Variants in CSGALNACT1 observed in about 807,000 individuals in gnomAD.
CSGALNACT1 encodes the protein beta4GalNAcT-1.
CSGALNACT1 carries 52 observed loss-of-function variants against 51.0 expected under a neutral mutation model. The observed-to-expected ratio is 1.02, with a 90% CI of 0.82 to 1.29. CSGALNACT1 has a LOEUF of 1.29. Among genes scored for constraint, CSGALNACT1 ranks in the 50% most tolerant of loss-of-function variants. The pLI, the probability that CSGALNACT1 is intolerant of heterozygous loss-of-function variation, is 0.00. For synonymous variants in CSGALNACT1, 341 were observed against 254.4 expected (o/e 1.34, Z -3.24); for missense variants, 935 against 679.2 (o/e 1.38, Z -4.19).
chr8:19,536,229 C>A (rs1345881590), intron 3 of CSGALNACT1, among the ~76,000 whole-genome samples: 1 of 151,968 alleles, frequency 6.6e-6, no homozygotes, highest in Non-Finnish European at 1.5e-5. Flanking sequence ...ATATATCACT[C>A]TGGTTGGGAA....
chr8:19,552,262 C>A (rs1176451671), intron 3 of CSGALNACT1, among the ~76,000 whole-genome samples: 1 of 152,058 alleles, frequency 6.6e-6, no homozygotes, highest in Non-Finnish European at 1.5e-5. Context: ...ATTTCAAACA[C>A]AGTAAGAAAG....
rs76817873 is a variant in CSGALNACT1 at position 19,533,485 on chromosome 8, C to T, written c.-296-27355G>A. Among the ~76,000 whole-genome samples, 63 of 152,264 alleles carry T rather than the reference C, an allele frequency of 4.1e-4. 1 individual carries two copies. Among genetic ancestry groups the T allele is most frequent in the African/African-American group, 1.4e-3 (59 of 41,564 alleles). ...AATTTATGCTTTTCCAAATCCTACTCTTCCAAGACTTATCAATATCAAATG... is the reference window on the plus strand; with the variant it reads ...AATTTATGCTTTTCCAAATCCTACTTTTCCAAGACTTATCAATATCAAATG... On this transcript the variant is annotated intron_variant, in intron 3 of 9. Coordinates refer to ENST00000454498, the Ensembl canonical transcript of CSGALNACT1.
At chr8:19,687,182 C>T (rs57167192), upstream of CSGALNACT1, among the ~76,000 whole-genome samples, 9,742 of 152,150 alleles carry the variant, frequency 0.064, 419 homozygotes, top group African/African-American at 0.12. Context: ...GTCAATACAT[C>T]GAGACCTCAA....
At chr8:19,461,723 T>C (rs1352311568) in intron 4 of CSGALNACT1, among the ~76,000 whole-genome samples, 1 of 151,170 alleles carries the variant, frequency 6.6e-6, no homozygotes, top group African/African-American at 2.5e-5. Flanking sequence ...ACATTCACCA[T>C]GGAGGGCGTA....
chr8:19,491,977 C>T (rs891806408), intron 4 of CSGALNACT1, among the ~76,000 whole-genome samples: 1 of 152,122 alleles, frequency 6.6e-6, no homozygotes, highest in African/African-American at 2.4e-5. Context: ...GGATGGAAGG[C>T]CAAAGTACAC....
At chr8:19,488,754 G>A (rs992163053) in intron 4 of CSGALNACT1, among the ~76,000 whole-genome samples, 9 of 152,048 alleles carry the variant, frequency 5.9e-5, no homozygotes, top group African/African-American at 2.2e-4. Context: ...CAACCCGACA[G>A]GGTAGATTAT....
Position 19,613,519 on chromosome 8 carries a change from C to T in CSGALNACT1, c.-543-11654G>A, listed in dbSNP as rs540340780. Among the ~76,000 whole-genome samples the T allele has an allele frequency of 1.7e-3, 255 of 152,298 alleles. 2 individuals are homozygous for T. Among genetic ancestry groups the T allele is most frequent in the Middle Eastern group, 3.4e-3 (1 of 294 alleles). On this transcript the variant is annotated intron_variant, in intron 1 of 9. Coordinates refer to the CSGALNACT1 transcript ENST00000332246. ...CAGATATCTGTCATTTTTAATGGTA[C>T]AATATTCCATTGTTTTGCTAAAGCA...
At chr8:19,413,183 T>C (rs1319778583) in intron 8 of CSGALNACT1, among the ~76,000 whole-genome samples, 2 of 152,198 alleles carry the variant, frequency 1.3e-5, no homozygotes, top group African/African-American at 4.8e-5. Flanking sequence ...AAGGGAATCA[T>C]GCTGGACAAG....
chr8:19,489,367 GTCTC>G (rs755455851), intron 4 of CSGALNACT1, among the ~76,000 whole-genome samples: 9 of 152,180 alleles, frequency 5.9e-5, no homozygotes, highest in African/African-American at 1.2e-4. Flanking sequence ...TAAATGCTTA[GTCTC>G]TCTCTCAAAG....
At chr8:19,492,181 A>C (rs946089892) in intron 4 of CSGALNACT1, among the ~76,000 whole-genome samples, 1 of 152,222 alleles carries the variant, frequency 6.6e-6, no homozygotes, top group Non-Finnish European at 1.5e-5. Context: ...ATATGCGAGA[A>C]GGCTCTTCTT....
chr8:19,528,495 T>C (rs1366661657), intron 3 of CSGALNACT1, among the ~76,000 whole-genome samples: 1 of 152,092 alleles, frequency 6.6e-6, no homozygotes, highest in African/African-American at 2.4e-5. Flanking sequence ...CACCCCCTTT[T>C]CTTGGCCAAA....
exon 1 of CSGALNACT1, chr8:19,682,507 C>T (rs929019753): frequency 5.2e-6 from 2 of 382,560 alleles, no homozygotes; most frequent in African/African-American, 2.1e-5. Context: ...CACCTGTTGT[C>T]ACCCCTGCCC....
At chr8:19,456,710 G>C (rs1482398775) in intron 5 of CSGALNACT1, among the ~76,000 whole-genome samples, 1 of 152,150 alleles carries the variant, frequency 6.6e-6, no homozygotes, top group African/African-American at 2.4e-5. Context: ...ATGCACAAAG[G>C]AGTATTCTAC....
chr8:19,653,143 AGTATCCACT>A (rs1370433643), intron 1 of CSGALNACT1, among the ~76,000 whole-genome samples: 1 of 152,152 alleles, frequency 6.6e-6, no homozygotes, highest in Non-Finnish European at 1.5e-5. Flanking sequence ...TGATGGAACC[AGTATCCACT>A]CAGTTAACCC....
chr8:19,742,481 T>A (rs1238059831), intron 1 of CSGALNACT1, among the ~76,000 whole-genome samples: 2 of 152,332 alleles, frequency 1.3e-5, no homozygotes, highest in Admixed American at 1.3e-4. Context: ...ATGCCAGGCC[T>A]CTGAAACAGA....
At chr8:19,497,317 A>C (rs1277539986) in intron 4 of CSGALNACT1, among the ~76,000 whole-genome samples, 4 of 152,174 alleles carry the variant, frequency 2.6e-5, no homozygotes, top group Admixed American at 1.3e-4. Flanking sequence ...CCTCAATTGC[A>C]GGGCTGAACA....
At chr8:19,493,664 A>G (rs766231367) in intron 4 of CSGALNACT1, among the ~76,000 whole-genome samples, 2 of 152,176 alleles carry the variant, frequency 1.3e-5, no homozygotes, top group African/African-American at 4.8e-5. Context: ...GCAGCATGTT[A>G]TCAGTAATTC....
chr8:19,570,347 T>C (rs1783078724), intron 3 of CSGALNACT1, among the ~76,000 whole-genome samples: 1 of 152,210 alleles, frequency 6.6e-6, no homozygotes, highest in Non-Finnish European at 1.5e-5. Context: ...ATTTGAATGC[T>C]TGAACACTTG....
intron 3 of CSGALNACT1, among the ~76,000 whole-genome samples, chr8:19,546,638 T>C (rs1034840898): frequency 6.6e-6 from 1 of 152,248 alleles, no homozygotes; most frequent in Non-Finnish European, 1.5e-5. Flanking sequence ...AGTATTCTCA[T>C]GAATATTGTT....
Sources: allele counts gnomAD v4.1 joint callset (sites outside exome capture counted in the v4.1 genomes callset), GRCh38; gene constraint gnomAD v4.1.1; transcripts MANE v1.5; gene names NCBI Gene and HGNC (gene_info 2026-07-23, HGNC 2026-07-21).